ANKMY2: variants seen among roughly 807,000 people sequenced by gnomAD.
ANKMY2 encodes ankyrin repeat and MYND domain containing 2.
In ANKMY2, 36 loss-of-function variants were observed where a neutral mutation model predicts 50.4. That is an observed-to-expected ratio of 0.71 (90% CI 0.55 to 0.94). ANKMY2 has a LOEUF of 0.94. Ranked by LOEUF, ANKMY2 falls within the 40% of genes least tolerant of loss-of-function variation. The pLI is 0.00. For synonymous variants in ANKMY2, 187 were observed against 178.8 expected, an observed-to-expected ratio of 1.05 and a Z score of -0.36; for missense variants, 565 against 524.0, an observed-to-expected ratio of 1.08 and a Z score of -0.76.
At position 16,600,594 on chromosome 7, in the gene ANKMY2, A is replaced by C; in HGVS notation, c.*167T>G. On this transcript the variant is annotated 3_prime_UTR_variant, in exon 10 of 10. Transcript: ENST00000306999. ...AATTATAGAACAGAAATCAATAGGA[A>C]ATTAGGGCATGGTCAACAGGGGTTT... The C allele has an allele frequency of 6.3e-6, 3 of 472,490 alleles. No individual in the cohort carries two copies. Among genetic ancestry groups the C allele is most frequent in the Non-Finnish European group, 1.0e-5 (3 of 290,542 alleles). 29.3% of individuals were successfully genotyped at this position (472,490 alleles called of 1,614,324 possible). A position where few individuals can be genotyped will look rare whatever the true frequency, so the allele number is the denominator to read the frequency against.
intron 7 of ANKMY2, among the ~76,000 whole-genome samples, chr7:16,608,809 T>C (rs565364736): frequency 5.9e-5 from 9 of 152,150 alleles, no homozygotes; most frequent in Non-Finnish European, 1.3e-4. Flanking sequence ...GAGACCAACC[T>C]GGTCAACATG....
chr7:16,607,524 C>T (rs376934933), intron 7 of ANKMY2, among the ~76,000 whole-genome samples: 8 of 152,060 alleles, frequency 5.3e-5, no homozygotes, highest in African/African-American at 1.4e-4. Flanking sequence ...GCTGAGATTG[C>T]GCCACTGCAC....
chr7:16,618,528 A>C (rs1257949208), intron 4 of ANKMY2, among the ~76,000 whole-genome samples: 1 of 152,080 alleles, frequency 6.6e-6, no homozygotes, highest in African/African-American at 2.4e-5. Flanking sequence ...CATTTTTGGT[A>C]CTCTATGCTT....
intron 2 of ANKMY2, among the ~76,000 whole-genome samples, chr7:16,629,612 G>A (rs1010688024): frequency 6.6e-6 from 1 of 152,092 alleles, no homozygotes; most frequent in East Asian, 1.9e-4. Context: ...TTTGTCATGT[G>A]TATAATACAG....
intron 1 of ANKMY2, among the ~76,000 whole-genome samples, chr7:16,641,241 GACACACAC>G (rs35547819): frequency 2.7e-5 from 4 of 150,356 alleles, no homozygotes; most frequent in Middle Eastern, 3.4e-3. Flanking sequence ...CTCACACACA[GACACACAC>G]ACACACACAC....
Position 16,610,625 on chromosome 7 carries a change from A to G in ANKMY2, c.670T>C (p.Tyr224His), listed in dbSNP as rs369272831. 1.1e-5 allele frequency: 18 copies of G among 1,613,886 alleles called. No individual in the cohort carries two copies. The highest frequency in any genetic ancestry group is 1.5e-5 in the Non-Finnish European group (18 of 1,179,922). Residue 224 changes from tyrosine to histidine, a missense_variant, in exon 6 of 10, where the codon TAC becomes CAC. Transcript: ENST00000306999. Reference sequence around the variant, plus strand: ...CATTTCTGAAAGATACAGCTTATGTAATGCATCTTCATAGCCAATACTTCA... The same window carrying G: ...CATTTCTGAAAGATACAGCTTATGTGATGCATCTTCATAGCCAATACTTCA... ...MNEVLAMKMH[Y>H]ISCIFQKCIN...
At chr7:16,605,303 C>G (rs1232640923) in intron 7 of ANKMY2, among the ~76,000 whole-genome samples, 3 of 152,038 alleles carry the variant, frequency 2.0e-5, no homozygotes, top group Non-Finnish European at 4.4e-5. Context: ...ATTTTAAAGA[C>G]AATATATTTA....
At chr7:16,622,117 A>T (rs1781444798) in intron 4 of ANKMY2, among the ~76,000 whole-genome samples, 1 of 152,074 alleles carries the variant, frequency 6.6e-6, no homozygotes, top group African/African-American at 2.4e-5. Context: ...AAGGAGGAGG[A>T]GGAGGAAGAG....
At chr7:16,609,202 G>A (rs1241043402) in intron 7 of ANKMY2, among the ~76,000 whole-genome samples, 1 of 152,104 alleles carries the variant, frequency 6.6e-6, no homozygotes, top group African/African-American at 2.4e-5. Context: ...GAACCACAAT[G>A]AGCCTTCCCA....
chr7:16,641,544 A>T (rs974848889), intron 1 of ANKMY2, among the ~76,000 whole-genome samples: 1 of 152,172 alleles, frequency 6.6e-6, no homozygotes, highest in Admixed American at 6.5e-5. Context: ...GGTTATAAGC[A>T]GACTTGAATG....
At chr7:16,638,886 G>GAAAAA (rs749720173) in intron 1 of ANKMY2, among the ~76,000 whole-genome samples, 1 of 152,182 alleles carries the variant, frequency 6.6e-6, no homozygotes, top group Non-Finnish European at 1.5e-5. Context: ...GATTATAAGG[G>GAAAAA]TTTTAGGAGC....
intron 6 of ANKMY2, 110 bp downstream of exon 6, chr7:16,610,439 C>A (rs1781229355): frequency 1.2e-6 from 1 of 818,594 alleles, no homozygotes; most frequent in African/African-American, 1.7e-5. Context: ...AGTCCAACAA[C>A]AGCAATTGCT....
Position 16,600,099 on chromosome 7 carries a change from C to T in ANKMY2, c.*662G>A, listed in dbSNP as rs17169555. The T allele has an allele frequency of 1.3e-5, 2 of 152,086 alleles. No homozygotes were observed. Among genetic ancestry groups the T allele is most frequent in the African/African-American group, 2.4e-5 (1 of 41,394 alleles). 9.4% of individuals were successfully genotyped at this position (152,086 alleles called of 1,614,324 possible). A position where few individuals can be genotyped will look rare whatever the true frequency, so the allele number is the denominator to read the frequency against. On this transcript the variant is annotated 3_prime_UTR_variant, in exon 10 of 10. Transcript: ENST00000306999. ...TTTTTAATGCATACGCTGAGAGAAC[C>T]GTCAATATGCCTTTGTTCCTGCTGA...
At chr7:16,630,231 C>A (rs182732404) in intron 2 of ANKMY2, among the ~76,000 whole-genome samples, 167 of 152,230 alleles carry the variant, frequency 1.1e-3, no homozygotes, top group Admixed American at 5.4e-3. Context: ...ATGCATCTCA[C>A]TTTTATATTT....
chr7:16,621,735 G>A (rs1296494304), intron 4 of ANKMY2, among the ~76,000 whole-genome samples: 1 of 152,006 alleles, frequency 6.6e-6, no homozygotes, highest in African/African-American at 2.4e-5. Context: ...AGGACTTTGG[G>A]AGGTGGGACG....
chr7:16,645,642 TGGGAACGCCAGCCGCAATGA>T lies in ANKMY2; in HGVS notation c.-89_-70del. On this transcript the variant is annotated 5_prime_UTR_variant, in exon 1 of 10. Coordinates refer to ENST00000306999, the MANE Select transcript of ANKMY2 (RefSeq NM_020319.3). Reference sequence around the variant, plus strand: ...TAAAAAAGAAACGATGCGTCTGTATTGGGAACGCCAGCCGCAATGAGGCAACTTGAGACCAAGACACTGAG... The same window carrying T: ...TAAAAAAGAAACGATGCGTCTGTATTGGCAACTTGAGACCAAGACACTGAG... The T allele has an allele frequency of 2.0e-6, 3 of 1,532,394 alleles. No individual in the cohort carries two copies. Among genetic ancestry groups the T allele is most frequent in the Non-Finnish European group, 2.6e-6 (3 of 1,133,996 alleles). 94.9% of individuals were successfully genotyped at this position (1,532,394 alleles called of 1,614,324 possible).
chr7:16,615,841 G>C lies in ANKMY2; in HGVS notation c.434C>G (p.Thr145Ser), dbSNP rs780691663. 3 of 1,614,036 alleles carry C rather than the reference G, an allele frequency of 1.9e-6. No individual in the cohort carries two copies. Among genetic ancestry groups the C allele is most frequent in the Admixed American group, 1.7e-5 (1 of 60,004 alleles). Residue 145 changes from threonine (T) to serine (S), a missense_variant, in exon 5 of 10, where the codon ACT becomes AGT. Physicochemically the swap from Thr to Ser is moderately conservative, Grantham distance 58. Coordinates refer to ENST00000306999, the MANE Select transcript of ANKMY2 (RefSeq NM_020319.3). ...FFPRERLDYY[T>S]KPQGLDKEPK... ...CTCTTTATCCAGTCCCTGGGGCTTA[G>C]TGTAATAATCCAGTCTCTCTCGAGG... is the stretch of plus-strand genomic sequence containing the variant.
At chr7:16,639,286 T>C (rs1781714440) in intron 1 of ANKMY2, among the ~76,000 whole-genome samples, 1 of 152,214 alleles carries the variant, frequency 6.6e-6, no homozygotes, top group African/African-American at 2.4e-5. Flanking sequence ...ATTGCTTTAT[T>C]CTGGGAAATA....
chr7:16,630,904 G>C (rs145791112), intron 2 of ANKMY2, among the ~76,000 whole-genome samples: 2 of 152,302 alleles, frequency 1.3e-5, no homozygotes, highest in Non-Finnish European at 2.9e-5. Flanking sequence ...GAAAGGGAAT[G>C]AAAGTGCAAA....
Sources: allele counts gnomAD v4.1 joint callset (sites outside exome capture counted in the v4.1 genomes callset), GRCh38; gene constraint gnomAD v4.1.1; transcripts MANE v1.5; gene names NCBI Gene and HGNC (gene_info 2026-07-23, HGNC 2026-07-21).